Variants in HRH4 observed in about 807,000 individuals in gnomAD.
HRH4 encodes the protein histamine H4 receptor.
Under a neutral mutation model 10.4 loss-of-function variants are expected in HRH4, and 12 were observed. The observed-to-expected ratio is 1.15, with a 90% CI of 0.74 to 1.87. HRH4 has a LOEUF of 1.87. Ranked by LOEUF, HRH4 falls within the 40% of genes most tolerant of loss-of-function variation. The pLI is 0.00. For missense variants in HRH4, 415 were observed against 453.3 expected (o/e 0.92, Z 0.77); for synonymous variants, 154 against 166.6 (o/e 0.92, Z 0.58).
intron 2 of HRH4, among the ~76,000 whole-genome samples, chr18:24,469,842 T>A (rs1440120138): frequency 2.0e-5 from 3 of 152,110 alleles, no homozygotes; most frequent in Non-Finnish European, 4.4e-5. Context: ...GGTTTTGGCG[T>A]AGGGATTATT....
intron 1 of HRH4, among the ~76,000 whole-genome samples, chr18:24,462,908 T>C (rs1460762956): frequency 6.6e-6 from 1 of 152,222 alleles, no homozygotes; most frequent in Non-Finnish European, 1.5e-5. Context: ...AAAGTTCCAC[T>C]ATAAATATAT....
In HRH4 at chr18:24,460,680, G is replaced by C; in HGVS notation, c.-49G>C. 7.9e-7 allele frequency: 1 copy of C among 1,258,552 alleles called. No homozygotes were observed. The highest frequency in any genetic ancestry group is 1.1e-6 in the Non-Finnish European group (1 of 914,984). 78.0% of individuals were successfully genotyped at this position (1,258,552 alleles called of 1,614,324 possible). A position where few individuals can be genotyped will look rare whatever the true frequency, so the allele number is the denominator to read the frequency against. On this transcript the variant is annotated 5_prime_UTR_variant, in exon 1 of 3. Transcript: ENST00000256906. ...ATTAGAAAACATACTTGTCAGAATT[G>C]TCTGGCTGGATTAATTTGCTAATTT...
intron 2 of HRH4, among the ~76,000 whole-genome samples, chr18:24,475,631 A>G (rs1310832714): frequency 6.6e-6 from 1 of 152,202 alleles, no homozygotes; most frequent in Non-Finnish European, 1.5e-5. Flanking sequence ...GTCACAAACA[A>G]ACAAATGAAC....
chr18:24,472,803 TTGGG>T (rs1484236189), intron 2 of HRH4, among the ~76,000 whole-genome samples: 1 of 151,602 alleles, frequency 6.6e-6, no homozygotes, highest in Non-Finnish European at 1.5e-5. Context: ...GAAGTCAGAG[TTGGG>T]TGGGGAAGGA....
chr18:24,471,119 C>T (rs1476019259), intron 2 of HRH4, among the ~76,000 whole-genome samples: 5 of 151,794 alleles, frequency 3.3e-5, no homozygotes, highest in African/African-American at 7.3e-5. Flanking sequence ...TCCTTAACAT[C>T]GCATACTTCA....
In HRH4 at chr18:24,465,480, G is replaced by T. The variant is rs867643677; in HGVS notation, c.194-3308G>T. ...AAGTAGGAGTGGGACTGCGGAGGTG[G>T]GGGCATATAGCTTGTTTTCTTTTAC... On this transcript the variant is annotated intron_variant, in intron 1 of 2. Coordinates refer to ENST00000256906, the MANE Select transcript of HRH4 (RefSeq NM_021624.4). 2.6e-4 allele frequency among the ~76,000 whole-genome samples: 39 copies of T among 152,142 alleles called. No individual in the cohort carries two copies. The Middle Eastern group carries it at 0.014, about 53-fold the overall frequency.
chr18:24,476,866 T>A lies in HRH4; in HGVS notation c.477T>A (p.Asp159Glu). The A allele has an allele frequency of 1.9e-6, 3 of 1,614,192 alleles. No individual in the cohort carries two copies. The highest frequency in any genetic ancestry group is 8.5e-7 in the Non-Finnish European group (1 of 1,180,032). ...PMILVSESWKDEGSECEPGFF... is the reference protein window; with the variant it reads ...PMILVSESWKEEGSECEPGFF... ...TTCTAGTTTCAGAGTCTTGGAAGGA[T>A]GAAGGTAGTGAATGTGAACCTGGAT... is the stretch of plus-strand genomic sequence containing the variant. The change falls in exon 3 of 3, where the codon GAT (aspartate) becomes GAA (glutamate). Residue 159 changes from aspartate (D) to glutamate (E), a missense_variant. Coordinates refer to ENST00000256906, the MANE Select transcript of HRH4 (RefSeq NM_021624.4).
rs374533700 is a variant in HRH4 at position 24,468,745 on chromosome 18, T to C, written c.194-43T>C. ...ATTAAAACATGCACATTTGTGTTCA[T>C]TGATGTGCGCTATGTTTTTACACTT... On this transcript the variant is annotated intron_variant, in intron 1 of 2. Coordinates refer to ENST00000256906, the MANE Select transcript of HRH4 (RefSeq NM_021624.4). The C allele has an allele frequency of 1.6e-5, 25 of 1,541,386 alleles. No individual in the cohort carries two copies. In the Admixed American group the frequency reaches 2.2e-4, roughly 14 times the overall value.
chr18:24,472,028 T>C (rs1909981715), intron 2 of HRH4, among the ~76,000 whole-genome samples: 1 of 151,902 alleles, frequency 6.6e-6, no homozygotes, highest in African/African-American at 2.4e-5. Context: ...TTTCTTTTTG[T>C]TTTTTTGCTT....
In HRH4 at chr18:24,477,103, T is replaced by C. The variant is rs1471830523; in HGVS notation, c.714T>C (p.Leu238=). 6.2e-7 allele frequency: 1 copy of C among 1,614,230 alleles called. No individual in the cohort carries two copies. Residue 238 remains leucine, a synonymous_variant, in exon 3 of 3, where the codon CTT becomes CTC. Transcript: ENST00000256906. The part of the protein sequence containing the change: ...FRGRLSSRRS[L]SASTEVPASF... ...GTAGACTATCTTCAAGGAGATCTCT[T>C]TCTGCATCGACAGAAGTTCCTGCAT...
rs1449443009 is a variant in HRH4, at chr18:24,468,895, T to A, written c.301T>A (p.Ser101Thr). 2 of 1,611,632 alleles carry A rather than the reference T, an allele frequency of 1.2e-6. No individual in the cohort carries two copies. The highest frequency in any genetic ancestry group is 1.7e-6 in the Non-Finnish European group (2 of 1,177,772). ...LTTDYLLCTA[S>T]VYNIVLISYD... Reference sequence around the variant, plus strand: ...TACTGACTATCTGTTATGTACAGCATCTGTATATAACATTGTCCTCATCAG... The same window carrying A: ...TACTGACTATCTGTTATGTACAGCAACTGTATATAACATTGTCCTCATCAG... Residue 101 changes from serine to threonine, a missense_variant, in exon 2 of 3, where the codon TCT becomes ACT. Transcript: ENST00000256906.
chr18:24,469,073 A>G (rs931042861), intron 2 of HRH4, 122 bp downstream of exon 2: 42 of 698,182 alleles, frequency 6.0e-5, no homozygotes, highest in Middle Eastern at 4.1e-4. Context: ...GAGGAACCCT[A>G]TCCTTTTGTT....
At chr18:24,466,622 A>G (rs1439489017) in intron 1 of HRH4, among the ~76,000 whole-genome samples, 1 of 152,188 alleles carries the variant, frequency 6.6e-6, no homozygotes, top group Non-Finnish European at 1.5e-5. Context: ...GTTTAGCACT[A>G]CCTTCCACTG....
intron 1 of HRH4, among the ~76,000 whole-genome samples, chr18:24,464,783 C>T (rs1599774784): frequency 6.6e-6 from 1 of 152,086 alleles, no homozygotes; most frequent in South Asian, 2.1e-4. Flanking sequence ...TAAAAATACA[C>T]GTGAAAATCC....
intron 1 of HRH4, among the ~76,000 whole-genome samples, chr18:24,467,327 C>T (rs952769939): frequency 6.6e-5 from 10 of 152,092 alleles, no homozygotes; most frequent in African/African-American, 2.4e-4. Flanking sequence ...CGATATGACC[C>T]TAATCCTCAG....
intron 1 of HRH4, among the ~76,000 whole-genome samples, chr18:24,463,643 G>GACCCTC (rs1909697614): frequency 6.6e-6 from 1 of 152,162 alleles, no homozygotes; most frequent in South Asian, 2.1e-4. Context: ...GGGCAGATTA[G>GACCCTC]ACCCTCACAT....
At chr18:24,473,908 A>T (rs548322050) in intron 2 of HRH4, among the ~76,000 whole-genome samples, 17 of 152,280 alleles carry the variant, frequency 1.1e-4, no homozygotes, top group Non-Finnish European at 2.2e-4. Context: ...AATAATGGGC[A>T]TATTCTGTAG....
chr18:24,463,598 G>A (rs931675030), intron 1 of HRH4, among the ~76,000 whole-genome samples: 1 of 152,198 alleles, frequency 6.6e-6, no homozygotes, highest in Admixed American at 6.5e-5. Flanking sequence ...TTGGGGTCAT[G>A]AGATCCAGAG....
intron 2 of HRH4, among the ~76,000 whole-genome samples, chr18:24,472,290 C>A (rs1411046786): frequency 6.6e-6 from 1 of 152,136 alleles, no homozygotes; most frequent in Non-Finnish European, 1.5e-5. Context: ...AAGTGATCCG[C>A]CCCCCTCAGC....
Sources: gnomAD v4.1 joint callset for allele counts (sites outside exome capture counted in the v4.1 genomes callset) on GRCh38, gnomAD v4.1.1 for gene constraint, MANE v1.5 for transcripts, NCBI Gene and HGNC (gene_info 2026-07-23, HGNC 2026-07-21) for gene names.